The following FSIP1 variants were observed in gnomAD, a reference collection of about 807,000 sequenced individuals.
The protein encoded by FSIP1 is fibrous sheath-interacting protein 1.
Under a neutral mutation model 60.9 loss-of-function variants are expected in FSIP1, and 65 were observed. That is an observed-to-expected ratio of 1.07 (90% confidence interval 0.87 to 1.31). FSIP1 has a LOEUF of 1.31. Ranked by LOEUF, FSIP1 falls within the 40% of genes most tolerant of loss-of-function variation. The pLI is 0.00. For synonymous variants in FSIP1, 209 were observed against 221.2 expected (o/e 0.94, Z 0.49); for missense variants, 675 against 665.5 (o/e 1.01, Z -0.16).
intron 5 of FSIP1, among the ~76,000 whole-genome samples, chr15:39,747,011 C>CCCTCCTTCCCTCCTTT (rs1195781867): frequency 7.4e-5 from 10 of 135,580 alleles, no homozygotes; most frequent in African/African-American, 2.3e-4. Context: ...TTCCCTCCTT[C>CCCTCCTTCCCTCCTTT]CCTCCTTCCC....
chr15:39,615,577 T>G (rs1044741395), intron 11 of FSIP1, among the ~76,000 whole-genome samples: 1 of 152,006 alleles, frequency 6.6e-6, no homozygotes, highest in African/African-American at 2.4e-5. Context: ...TCACACCTGT[T>G]ATAACAACTA....
chr15:39,770,540 C>A lies in FSIP1; in HGVS notation c.197G>T (p.Arg66Ile). 1.2e-6 allele frequency: 2 copies of A among 1,610,652 alleles called. No homozygotes were observed. Among genetic ancestry groups the A allele is most frequent in the Non-Finnish European group, 1.7e-6 (2 of 1,179,200 alleles). The change falls in exon 3 of 12, where the codon AGA (arginine) becomes ATA (isoleucine). Residue 66 changes from arginine to isoleucine, a missense_variant. Arg to Ile is a moderately conservative substitution (Grantham distance 97, BLOSUM62 -3). Coordinates refer to ENST00000350221, the MANE Select transcript of FSIP1 (RefSeq NM_152597.5). ...HSESSNTENR[R>I]TSNDDKQESC... is the part of the protein sequence containing the mutation. ...TTCCTGCTTATCATCATTACTAGTT[C>A]TTCTGTTCTCTGTATTACTGCTTTC... is the stretch of plus-strand genomic sequence containing the variant.
chr15:39,674,513 C>T (rs1893858678), intron 10 of FSIP1, among the ~76,000 whole-genome samples: 1 of 151,724 alleles, frequency 6.6e-6, no homozygotes, highest in Non-Finnish European at 1.5e-5. Context: ...TCTTACAAGG[C>T]TAAGACAATC....
intron 8 of FSIP1, among the ~76,000 whole-genome samples, chr15:39,728,240 C>T (rs1157079566): frequency 6.6e-6 from 1 of 152,104 alleles, no homozygotes; most frequent in Non-Finnish European, 1.5e-5. Flanking sequence ...CAATGCTATT[C>T]CTATCAAACT....
intron 10 of FSIP1, among the ~76,000 whole-genome samples, chr15:39,619,081 T>C (rs184689468): frequency 5.3e-5 from 8 of 152,320 alleles, no homozygotes; most frequent in Admixed American, 5.2e-4. Flanking sequence ...AACTTAATCA[T>C]GAATTTCAAT....
At chr15:39,698,882 C>A (rs1177280205) in intron 10 of FSIP1, among the ~76,000 whole-genome samples, 3 of 152,204 alleles carry the variant, frequency 2.0e-5, no homozygotes, top group Non-Finnish European at 4.4e-5. Context: ...ATAAAAGAAA[C>A]CCAATGACCT....
At chr15:39,745,529 T>G (rs1305248809) in intron 5 of FSIP1, among the ~76,000 whole-genome samples, 1 of 152,194 alleles carries the variant, frequency 6.6e-6, no homozygotes, top group Non-Finnish European at 1.5e-5. Context: ...TTATTCTAAT[T>G]CAGAGTCTCA....
intron 10 of FSIP1, among the ~76,000 whole-genome samples, chr15:39,684,821 T>G (rs1279810871): frequency 6.6e-6 from 1 of 152,182 alleles, no homozygotes; most frequent in Non-Finnish European, 1.5e-5. Flanking sequence ...CCTGACACTG[T>G]TCTAAGTGCT....
At chr15:39,681,553 A>C (rs1894162693) in intron 10 of FSIP1, among the ~76,000 whole-genome samples, 1 of 152,216 alleles carries the variant, frequency 6.6e-6, no homozygotes, top group Non-Finnish European at 1.5e-5. Flanking sequence ...TAGAGATAAA[A>C]TAATAAAAGA....
chr15:39,780,963 T>C (rs370599520), intron 1 of FSIP1, among the ~76,000 whole-genome samples: 5 of 152,296 alleles, frequency 3.3e-5, no homozygotes, highest in African/African-American at 1.2e-4. Flanking sequence ...ATCAAAGGCA[T>C]GATTCATAAA....
chr15:39,663,139 C>T (rs934896939), intron 10 of FSIP1, among the ~76,000 whole-genome samples: 2 of 152,082 alleles, frequency 1.3e-5, no homozygotes, highest in African/African-American at 4.8e-5. Flanking sequence ...TTATTGTTAT[C>T]TATTATTGTT....
At chr15:39,751,853 T>C (rs1897173996) in intron 5 of FSIP1, among the ~76,000 whole-genome samples, 1 of 151,958 alleles carries the variant, frequency 6.6e-6, no homozygotes, top group Non-Finnish European at 1.5e-5. Context: ...TGGGTAACTA[T>C]GTGAGGTGAC....
Position 39,660,537 on chromosome 15 carries a change from GATTTCAGTAAC to G in FSIP1, c.1189-42303_1189-42293del, listed in dbSNP as rs1372201557. Among the ~76,000 whole-genome samples, 7 of 152,274 alleles carry G rather than the reference GATTTCAGTAAC, an allele frequency of 4.6e-5. No individual in the cohort carries two copies. The East Asian group carries it at 1.3e-3, about 29-fold the overall frequency. On this transcript the variant is annotated intron_variant, in intron 10 of 11. Transcript: ENST00000350221. ...TTCAATCAGCAAGTAACTTTTGGCAGATTTCAGTAACATTAATGCACTTTCTAGCTTAAATG... is the reference window on the plus strand; with the variant it reads ...TTCAATCAGCAAGTAACTTTTGGCAGATTAATGCACTTTCTAGCTTAAATG...
intron 10 of FSIP1, among the ~76,000 whole-genome samples, chr15:39,683,446 T>C (rs1415870924): frequency 1.3e-5 from 2 of 152,104 alleles, no homozygotes; most frequent in East Asian, 1.9e-4. Context: ...TTCATTCTGA[T>C]AACACCTACG....
chr15:39,707,187 G>C lies in FSIP1; in HGVS notation c.1188+6257C>G, dbSNP rs1399373634. On this transcript the variant is annotated intron_variant, in intron 10 of 11. Transcript: ENST00000350221. ...TCAACCCTCATCTCCAGCTTTGGTG[G>C]ACTGCTGAGGGCTGTCAGAGAAACC... 3.3e-5 allele frequency among the ~76,000 whole-genome samples: 5 copies of C among 152,026 alleles called. No homozygotes were observed. The East Asian group carries it at 7.7e-4, about 23-fold the overall frequency.
intron 11 of FSIP1, among the ~76,000 whole-genome samples, chr15:39,617,247 G>C (rs1891264135): frequency 6.6e-6 from 1 of 152,034 alleles, no homozygotes; most frequent in African/African-American, 2.4e-5. Context: ...CATGACCATT[G>C]CAAGATGAAA....
intron 10 of FSIP1, among the ~76,000 whole-genome samples, chr15:39,699,519 T>C (rs753743360): frequency 1.1e-4 from 16 of 152,238 alleles, no homozygotes; most frequent in Non-Finnish European, 2.2e-4. Flanking sequence ...AGTAAAAGTA[T>C]AATCAACCTG....
chr15:39,622,158 G>A (rs1243610973), intron 10 of FSIP1, among the ~76,000 whole-genome samples: 3 of 151,988 alleles, frequency 2.0e-5, no homozygotes, highest in African/African-American at 7.3e-5. Context: ...GCACTGTCAA[G>A]TAACCATCTG....
intron 10 of FSIP1, among the ~76,000 whole-genome samples, chr15:39,634,683 A>G (rs1241679900): frequency 1.3e-5 from 2 of 152,194 alleles, no homozygotes; most frequent in East Asian, 3.8e-4. Flanking sequence ...GCCTGTTTAG[A>G]GCTACTTCTC....
Sources: allele counts gnomAD v4.1 joint callset (sites outside exome capture counted in the v4.1 genomes callset), GRCh38; gene constraint gnomAD v4.1.1; transcripts MANE v1.5; gene names NCBI Gene and HGNC (gene_info 2026-07-23, HGNC 2026-07-21).